Variants in SSU72 observed in about 807,000 individuals in gnomAD.
The protein encoded by SSU72 is RNA polymerase II subunit A C-terminal domain phosphatase SSU72.
A neutral mutation model predicts 22.7 loss-of-function variants in SSU72; 12 were observed. That is an observed-to-expected ratio of 0.53 (90% CI 0.34 to 0.86). SSU72 has a LOEUF of 0.86. Among genes scored for constraint, SSU72 ranks in the 40% least tolerant of loss-of-function variants. The pLI is 0.02. For synonymous variants in SSU72, 116 were observed against 98.3 expected, an observed-to-expected ratio of 1.18 and a Z score of -1.06; for missense variants, 151 against 249.8, an observed-to-expected ratio of 0.60 and a Z score of 2.67.
At chr1:1,572,806 C>A (rs1256453102) in intron 1 of SSU72, among the ~76,000 whole-genome samples, 2 of 144,240 alleles carry the variant, frequency 1.4e-5, no homozygotes, top group African/African-American at 5.1e-5. Context: ...AACAAAGGAT[C>A]ACCAAGGAGA....
intron 2 of SSU72, chr1:1,564,287 T>TTTA: frequency 3.7e-6 from 2 of 534,902 alleles, no homozygotes; most frequent in Non-Finnish European, 6.4e-6. Flanking sequence ...TCCCATTATT[T>TTTA]CTTCTAACAG....
intron 2 of SSU72, chr1:1,564,285 TTTC>T: frequency 1.9e-6 from 1 of 532,026 alleles, no homozygotes; most frequent in South Asian, 2.9e-5. Flanking sequence ...TCTCCCATTA[TTTC>T]TTCTAACAGC....
In SSU72 at chr1:1,543,935, C is replaced by G. The variant is rs1418903126; in HGVS notation, c.417G>C (p.Val139=). 9.9e-6 allele frequency: 16 copies of G among 1,613,972 alleles called. No individual in the cohort carries two copies. Among genetic ancestry groups the G allele is most frequent in the Non-Finnish European group, 1.4e-5 (16 of 1,179,992 alleles). Residue 139 remains valine, a synonymous_variant, in exon 4 of 5, where the codon GTG becomes GTC. Coordinates refer to ENST00000291386, the MANE Select transcript of SSU72 (RefSeq NM_014188.3). The part of the protein sequence containing the change: ...ETCQPVHVVN[V]DIQDNHEEAT... ...CCTCCTCGTGGTTGTCCTGGATGTC[C>G]ACATTGACCACGTGCACAGGCTGGC... is the stretch of plus-strand genomic sequence containing the variant.
At chr1:1,574,446 G>A (rs775659351) in intron 1 of SSU72, 32 bp downstream of exon 1, 17 of 1,574,706 alleles carry the variant, frequency 1.1e-5, no homozygotes, top group Non-Finnish European at 1.5e-5. Flanking sequence ...CGCCGGAGCA[G>A]AGCGCGCGGG....
intron 4 of SSU72, among the ~76,000 whole-genome samples, chr1:1,543,172 C>T (rs964173671): frequency 2.0e-5 from 3 of 152,210 alleles, no homozygotes; most frequent in Non-Finnish European, 4.4e-5. Context: ...TGGGGTGCCC[C>T]GGCCCCTCTG....
chr1:1,571,130 A>G (rs539961938), intron 1 of SSU72, among the ~76,000 whole-genome samples: 13 of 152,074 alleles, frequency 8.5e-5, no homozygotes, highest in Admixed American at 5.9e-4. Context: ...CTGTAGTCCC[A>G]GTTACTCAGG....
At chr1:1,568,614 TC>T (rs1488014873) in intron 1 of SSU72, among the ~76,000 whole-genome samples, 1 of 150,824 alleles carries the variant, frequency 6.6e-6, no homozygotes, top group Admixed American at 6.6e-5. Flanking sequence ...TCAAAAAAAC[TC>T]CAAAAAACTA....
intron 1 of SSU72, among the ~76,000 whole-genome samples, chr1:1,573,873 G>A (rs1014231984): frequency 2.0e-5 from 3 of 152,046 alleles, no homozygotes; most frequent in South Asian, 2.1e-4. Flanking sequence ...TATCAAGCAG[G>A]AATAAACTTT....
intron 3 of SSU72, 74 bp from the exon 4 acceptor site, chr1:1,544,061 C>CA: frequency 8.6e-7 from 1 of 1,164,974 alleles, no homozygotes; most frequent in Non-Finnish European, 1.3e-6. Flanking sequence ...GGCTGAGTCC[C>CA]CAGCTCTGCC....
intron 1 of SSU72, among the ~76,000 whole-genome samples, chr1:1,574,275 C>T (rs991364847): frequency 6.6e-6 from 1 of 152,020 alleles, no homozygotes; most frequent in Non-Finnish European, 1.5e-5. Context: ...GCGCCTCGTC[C>T]CGGAACCTGC....
intron 2 of SSU72, among the ~76,000 whole-genome samples, chr1:1,548,452 G>A (rs1049339425): frequency 1.3e-5 from 2 of 152,002 alleles, no homozygotes; most frequent in African/African-American, 2.4e-5. Flanking sequence ...TACTCTGGAG[G>A]CTGAGGCAGG....
intron 2 of SSU72, among the ~76,000 whole-genome samples, chr1:1,557,663 T>G (rs1193996326): frequency 2.9e-5 from 4 of 138,600 alleles, no homozygotes; most frequent in Non-Finnish European, 6.3e-5. Context: ...GGCGTGGTGG[T>G]ACGCCGCACC....
chr1:1,544,491 G>A (rs551378041), intron 3 of SSU72: 21 of 311,390 alleles, frequency 6.7e-5, no homozygotes, highest in Middle Eastern at 1.1e-3. Flanking sequence ...GGTGGCACAC[G>A]CCTGTAGTCC....
At chr1:1,548,707 T>C (rs958496842) in intron 2 of SSU72, among the ~76,000 whole-genome samples, 1 of 152,046 alleles carries the variant, frequency 6.6e-6, no homozygotes, top group East Asian at 1.9e-4. Flanking sequence ...GTGAGGAAGG[T>C]AGCTCCGCTC....
chr1:1,565,461 G>A (rs1642648652), intron 1 of SSU72, among the ~76,000 whole-genome samples: 1 of 152,340 alleles, frequency 6.6e-6, no homozygotes, highest in East Asian at 1.9e-4. Flanking sequence ...TGAAAGGACT[G>A]ACTGATGTGG....
chr1:1,543,850 C>A lies in SSU72; in HGVS notation c.483+19G>T. 6.3e-7 allele frequency: 1 copy of A among 1,593,174 alleles called. No homozygotes were observed. The highest frequency in any genetic ancestry group is 8.6e-7 in the Non-Finnish European group (1 of 1,162,874). On this transcript the variant is annotated intron_variant, in intron 4 of 4. Transcript: ENST00000291386. ...CTGTCACAACCTCTGCCCAGCGCGGCGCCCAGCCGGGTACTTACACACTGG... is the reference window on the plus strand; with the variant it reads ...CTGTCACAACCTCTGCCCAGCGCGGAGCCCAGCCGGGTACTTACACACTGG...
intron 2 of SSU72, chr1:1,561,186 G>C (rs1455300469): frequency 6.6e-6 from 1 of 152,236 alleles, no homozygotes; most frequent in Non-Finnish European, 1.5e-5. Flanking sequence ...CCAGGTTCAA[G>C]CAACTCTCCT....
chr1:1,559,461 T>C (rs922100134), intron 2 of SSU72, among the ~76,000 whole-genome samples: 4 of 152,154 alleles, frequency 2.6e-5, no homozygotes, highest in Non-Finnish European at 4.4e-5. Context: ...TTTATCTCAA[T>C]AAAAACAATT....
intron 2 of SSU72, among the ~76,000 whole-genome samples, chr1:1,558,777 G>A (rs542183888): frequency 7.9e-5 from 12 of 152,206 alleles, no homozygotes; most frequent in African/African-American, 1.7e-4. Flanking sequence ...CTTTCACAAC[G>A]GCCTCTCCCT....
Sources: allele counts gnomAD v4.1 joint callset (sites outside exome capture counted in the v4.1 genomes callset), GRCh38; gene constraint gnomAD v4.1.1; transcripts MANE v1.5; gene names NCBI Gene and HGNC (gene_info 2026-07-23, HGNC 2026-07-21).